The following LRP6 variants were observed in gnomAD, a reference collection of about 807,000 sequenced individuals.
LRP6 encodes the protein low-density lipoprotein receptor-related protein 6.
A neutral mutation model predicts 184.1 loss-of-function variants in LRP6; 43 were observed. The ratio of observed to expected loss-of-function variants is 0.23; its 90% CI spans 0.18 to 0.30. LRP6 has a LOEUF of 0.30. Among genes scored for constraint, LRP6 ranks in the 10% least tolerant of loss-of-function variants. The pLI, the probability that LRP6 is intolerant of heterozygous loss-of-function variation, is 1.00. For missense variants in LRP6, 1,571 were observed against 2,005.3 expected, an observed-to-expected ratio of 0.78 and a Z score of 4.14; for synonymous variants, 719 against 684.9, an observed-to-expected ratio of 1.05 and a Z score of -0.78.
chr12:12,225,370 T>C (rs1864593200), intron 2 of LRP6, among the ~76,000 whole-genome samples: 1 of 152,206 alleles, frequency 6.6e-6, no homozygotes, highest in African/African-American at 2.4e-5. Context: ...CACAATTGGA[T>C]AGACAGACAA....
chr12:12,171,238 C>T (rs933118330), intron 7 of LRP6, among the ~76,000 whole-genome samples: 3 of 152,046 alleles, frequency 2.0e-5, no homozygotes, highest in African/African-American at 4.8e-5. Flanking sequence ...TATTATTGGC[C>T]GAGCGCGGTG....
intron 9 of LRP6, 33 bp downstream of exon 9, chr12:12,164,240 C>T (rs750984543): frequency 2.5e-6 from 4 of 1,599,152 alleles, no homozygotes; most frequent in South Asian, 2.2e-5. Flanking sequence ...CCCTTTTAGT[C>T]CCTAGCTTTA....
intron 2 of LRP6, among the ~76,000 whole-genome samples, chr12:12,219,410 G>T (rs2135866678): frequency 6.6e-6 from 1 of 152,134 alleles, no homozygotes; most frequent in East Asian, 1.9e-4. Context: ...TTCCCATGTT[G>T]GCCAGGATGG....
At position 12,116,744 on chromosome 12, in the gene LRP6, G is replaced by A. The variant is rs1248291685; in HGVS notation, c.*4382C>T. Reference sequence around the variant, plus strand: ...TTTGTAATTCTATCTGTAAAGTCATGGAGATTTTTTTCAGCAATAAACTCA... The same window carrying A: ...TTTGTAATTCTATCTGTAAAGTCATAGAGATTTTTTTCAGCAATAAACTCA... On this transcript the variant is annotated 3_prime_UTR_variant, in exon 23 of 23. Transcript: ENST00000261349. 1 of 152,076 alleles carries A rather than the reference G, an allele frequency of 6.6e-6. No homozygotes were observed. Among genetic ancestry groups the A allele is most frequent in the East Asian group, 1.9e-4 (1 of 5,188 alleles). The allele number at this position is 152,076 out of a possible 1,614,324, so 9.4% of individuals were successfully genotyped here.
Position 12,193,989 on chromosome 12 carries a change from T to A in LRP6, c.648-6870A>T, listed in dbSNP as rs541849103. Among the ~76,000 whole-genome samples the A allele has an allele frequency of 5.9e-5, 9 of 152,198 alleles. No homozygotes were observed. In the East Asian group the frequency reaches 1.5e-3, roughly 26 times the overall value. On this transcript the variant is annotated intron_variant, in intron 3 of 22. Coordinates refer to ENST00000261349, the MANE Select transcript of LRP6 (RefSeq NM_002336.3). Reference sequence around the variant, plus strand: ...ATCTAACAACATTTCAAAAGAAGTATAAACCACGACCAAGTAGAACTTACC... The same window carrying A: ...ATCTAACAACATTTCAAAAGAAGTAAAAACCACGACCAAGTAGAACTTACC...
intron 2 of LRP6, among the ~76,000 whole-genome samples, chr12:12,235,730 CAAA>C (rs1231537237): frequency 7.8e-6 from 1 of 128,698 alleles, no homozygotes. Context: ...AACTCCGGCT[CAAA>C]AAAAAAAAGA....
chr12:12,243,508 T>C (rs1279268844), intron 2 of LRP6, among the ~76,000 whole-genome samples: 2 of 152,166 alleles, frequency 1.3e-5, no homozygotes, highest in African/African-American at 4.8e-5. Flanking sequence ...TTTCATTCCT[T>C]CTTCTCTCTC....
At chr12:12,186,552 T>C (rs536359677) in intron 4 of LRP6, among the ~76,000 whole-genome samples, 1 of 150,598 alleles carries the variant, frequency 6.6e-6, no homozygotes, top group African/African-American at 2.4e-5. Flanking sequence ...TTAATTTTTG[T>C]ATTTTTTAGT....
intron 2 of LRP6, among the ~76,000 whole-genome samples, chr12:12,214,328 C>A (rs1273574301): frequency 2.0e-5 from 3 of 152,160 alleles, no homozygotes; most frequent in African/African-American, 7.2e-5. Flanking sequence ...GATACAAATA[C>A]TTCCTTTATG....
intron 2 of LRP6, among the ~76,000 whole-genome samples, chr12:12,229,723 GA>G (rs1372355704): frequency 6.6e-6 from 1 of 152,170 alleles, no homozygotes; most frequent in Non-Finnish European, 1.5e-5. Flanking sequence ...TTGGGAAACA[GA>G]AAGTGTGTGA....
intron 3 of LRP6, among the ~76,000 whole-genome samples, chr12:12,196,409 A>T (rs1225790026): frequency 6.6e-6 from 1 of 151,728 alleles, no homozygotes; most frequent in African/African-American, 2.4e-5. Context: ...GAGGTCTTTC[A>T]CTTCCTTGGT....
chr12:12,131,744 G>A (rs1281469938), intron 18 of LRP6, 77 bp downstream of exon 18: 2 of 1,214,920 alleles, frequency 1.6e-6, no homozygotes, highest in Admixed American at 3.4e-5. Flanking sequence ...CTGACACTAA[G>A]CCAAGTAATA....
intron 2 of LRP6, among the ~76,000 whole-genome samples, chr12:12,216,210 C>T (rs556014198): frequency 6.6e-6 from 1 of 152,054 alleles, no homozygotes; most frequent in East Asian, 1.9e-4. Flanking sequence ...AGGGAGAAGA[C>T]AGAAAGATTT....
At position 12,266,969 on chromosome 12, in the gene LRP6, C is replaced by G. The variant is rs1865788774; in HGVS notation, c.-234G>C. 2 of 541,218 alleles carry G rather than the reference C, an allele frequency of 3.7e-6. No individual in the cohort carries two copies. The highest frequency in any genetic ancestry group is 4.1e-5 in the African/African-American group (2 of 48,938). The allele number at this position is 541,218 out of a possible 1,614,324, so 33.5% of individuals were successfully genotyped here. A position where few individuals can be genotyped will look rare whatever the true frequency, so the allele number is the denominator to read the frequency against. On this transcript the variant is annotated 5_prime_UTR_variant, in exon 1 of 23. Transcript: ENST00000261349. ...GCCAGCGTCTGCTTCCATCCCGCCG[C>G]CTCCTCCCCCGGCGCCCCGCTTCCC... is the stretch of plus-strand genomic sequence containing the variant.
At chr12:12,173,650 A>C (rs1300953860) in intron 7 of LRP6, among the ~76,000 whole-genome samples, 2 of 151,488 alleles carry the variant, frequency 1.3e-5, no homozygotes, top group Non-Finnish European at 2.9e-5. Context: ...GCTAATTTTT[A>C]TTTTCTGTAG....
intron 12 of LRP6, among the ~76,000 whole-genome samples, chr12:12,156,612 C>G (rs1862586329): frequency 6.6e-6 from 1 of 152,192 alleles, no homozygotes; most frequent in African/African-American, 2.4e-5. Flanking sequence ...GTACTGCATT[C>G]TGCATTTCAC....
At chr12:12,211,923 T>C (rs947090472) in intron 2 of LRP6, among the ~76,000 whole-genome samples, 3 of 152,182 alleles carry the variant, frequency 2.0e-5, no homozygotes, top group Non-Finnish European at 4.4e-5. Flanking sequence ...TTATACGTCA[T>C]TCCTCTTTCC....
chr12:12,143,111 C>A (rs949071720), intron 15 of LRP6, among the ~76,000 whole-genome samples: 3 of 152,074 alleles, frequency 2.0e-5, no homozygotes, highest in Admixed American at 6.5e-5. Flanking sequence ...ATTGTATTTC[C>A]ATATTCCAGG....
intron 16 of LRP6, among the ~76,000 whole-genome samples, chr12:12,136,577 T>C (rs1233237901): frequency 1.3e-5 from 2 of 152,244 alleles, no homozygotes; most frequent in African/African-American, 4.8e-5. Flanking sequence ...TTAGCCTGTA[T>C]TAAAAGCAAC....
Sources: allele counts gnomAD v4.1 joint callset (sites outside exome capture counted in the v4.1 genomes callset), GRCh38; gene constraint gnomAD v4.1.1; transcripts MANE v1.5; gene names NCBI Gene and HGNC (gene_info 2026-07-23, HGNC 2026-07-21).